HSP90AA1: variants seen among roughly 807,000 people sequenced by gnomAD.
HSP90AA1 encodes the protein heat shock protein HSP 90-alpha.
A neutral mutation model predicts 73.3 loss-of-function variants in HSP90AA1; 18 were observed. The ratio of observed to expected loss-of-function variants is 0.25; its 90% confidence interval spans 0.17 to 0.36. The LOEUF (loss-of-function observed/expected upper bound fraction) is 0.36. Among genes scored for constraint, HSP90AA1 ranks in the 10% least tolerant of loss-of-function variants. The pLI, the probability that HSP90AA1 is intolerant of heterozygous loss-of-function variation, is 1.00. For synonymous variants in HSP90AA1, 477 were observed against 296.9 expected (o/e 1.61, Z -6.24); for missense variants, 704 against 874.2 (o/e 0.81, Z 2.45).
chr14:102,104,366 C>T (rs922423891), intron 1 of HSP90AA1, among the ~76,000 whole-genome samples: 15 of 152,094 alleles, frequency 9.9e-5, no homozygotes, highest in Admixed American at 5.9e-4. Flanking sequence ...TGCGCCACCA[C>T]GCCCGGCTAA....
At chr14:102,138,893 T>A (rs2050122853) in intron 1 of HSP90AA1, among the ~76,000 whole-genome samples, 1 of 152,202 alleles carries the variant, frequency 6.6e-6, no homozygotes, top group Non-Finnish European at 1.5e-5. Flanking sequence ...GTACATTACA[T>A]GCATACAACT....
intron 1 of HSP90AA1, among the ~76,000 whole-genome samples, chr14:102,126,289 AG>A: frequency 6.6e-6 from 1 of 152,368 alleles, no homozygotes; most frequent in East Asian, 1.9e-4. Flanking sequence ...AAGTTACCAT[AG>A]CTCAGTAAGG....
At chr14:102,101,647 T>C (rs567965431) in intron 2 of HSP90AA1, among the ~76,000 whole-genome samples, 16 of 152,342 alleles carry the variant, frequency 1.1e-4, no homozygotes, top group African/African-American at 3.8e-4. Context: ...ATTATGATGA[T>C]TGTCACATGC....
intron 1 of HSP90AA1, among the ~76,000 whole-genome samples, chr14:102,122,357 T>C (rs1194719951): frequency 6.6e-6 from 1 of 150,646 alleles, no homozygotes; most frequent in South Asian, 2.1e-4. Context: ...CTTGGCTCAG[T>C]GCAAGCTCCA....
chr14:102,088,616 T>C (rs1455308999), upstream of HSP90AA1, among the ~76,000 whole-genome samples: 1 of 152,194 alleles, frequency 6.6e-6, no homozygotes, highest in Non-Finnish European at 1.5e-5. Context: ...GTGGTAGCTG[T>C]TGCGCAGCCT....
intron 1 of HSP90AA1, among the ~76,000 whole-genome samples, chr14:102,118,897 C>T (rs2049740509): frequency 6.8e-6 from 1 of 146,534 alleles, no homozygotes; most frequent in African/African-American, 2.5e-5. Context: ...TTCTATCATT[C>T]CGGCTGGAGT....
intron 9 of HSP90AA1, 28 bp from the exon 10 acceptor site, chr14:102,082,472 C>A (rs775587194): frequency 6.4e-6 from 10 of 1,555,890 alleles, no homozygotes; most frequent in Non-Finnish European, 7.9e-6. Flanking sequence ...TGACTAGGAA[C>A]CTAGAAAGAT....
chr14:102,136,027 C>T (rs575480603), intron 1 of HSP90AA1, among the ~76,000 whole-genome samples: 11 of 152,326 alleles, frequency 7.2e-5, no homozygotes, highest in South Asian at 6.2e-4. Flanking sequence ...GGGGAGGCGC[C>T]GAGAGCAAGC....
At chr14:102,092,542 A>C (rs1311943521) in intron 2 of HSP90AA1, among the ~76,000 whole-genome samples, 1 of 152,156 alleles carries the variant, frequency 6.6e-6, no homozygotes, top group Admixed American at 6.6e-5. Context: ...ATTTATATAA[A>C]ATTTTAGAAA....
At chr14:102,134,765 G>A (rs574838614) in intron 1 of HSP90AA1, among the ~76,000 whole-genome samples, 1 of 152,202 alleles carries the variant, frequency 6.6e-6, no homozygotes, top group African/African-American at 2.4e-5. Flanking sequence ...CAAAGAGTGA[G>A]CAGTAGCAAG....
At position 102,081,841 on chromosome 14, in the gene HSP90AA1, C is replaced by G; in HGVS notation, c.2090-20G>C. On this transcript the variant is annotated intron_variant, in intron 10 of 10. Coordinates refer to ENST00000216281, the MANE Select transcript of HSP90AA1 (RefSeq NM_005348.4). ...CAATACCTGTTTCCAAAATAAAATC[C>G]TCATATTACAAAGATTTCTTAAAGC... The G allele has an allele frequency of 8.8e-7, 1 of 1,135,454 alleles. No homozygotes were observed. The allele number at this position is 1,135,454 out of a possible 1,614,324, so 70.3% of individuals were successfully genotyped here.
intron 1 of HSP90AA1, among the ~76,000 whole-genome samples, chr14:102,116,361 G>A (rs1038349440): frequency 2.0e-5 from 3 of 152,138 alleles, no homozygotes; most frequent in African/African-American, 4.8e-5. Context: ...TGATTTCTAG[G>A]AGTCCTTTAT....
upstream of HSP90AA1, among the ~76,000 whole-genome samples, chr14:102,087,724 C>G (rs1477809590): frequency 6.6e-6 from 1 of 152,132 alleles, no homozygotes; most frequent in Non-Finnish European, 1.5e-5. Context: ...ACCGCTGGCT[C>G]GGGAGCGCTC....
At chr14:102,132,370 AAAAT>A (rs1012906252) in intron 1 of HSP90AA1, among the ~76,000 whole-genome samples, 2 of 152,100 alleles carry the variant, frequency 1.3e-5, no homozygotes, top group African/African-American at 2.4e-5. Flanking sequence ...AGTCTCAAAA[AAAAT>A]AAATAAGTAA....
chr14:102,130,859 T>C (rs2049899468), intron 1 of HSP90AA1, among the ~76,000 whole-genome samples: 1 of 151,990 alleles, frequency 6.6e-6, no homozygotes, highest in Non-Finnish European at 1.5e-5. Flanking sequence ...CCTCCTAGGA[T>C]TGCTAGAATA....
intron 1 of HSP90AA1, among the ~76,000 whole-genome samples, chr14:102,125,423 T>G (rs899533255): frequency 6.6e-6 from 1 of 152,222 alleles, no homozygotes; most frequent in South Asian, 2.1e-4. Context: ...TGTGACCATA[T>G]GCAAAAATTA....
intron 2 of HSP90AA1, among the ~76,000 whole-genome samples, chr14:102,097,009 A>T (rs2049433636): frequency 6.6e-6 from 1 of 151,770 alleles, no homozygotes; most frequent in Non-Finnish European, 1.5e-5. Flanking sequence ...TTTTCTTGAG[A>T]CACAGTCTCG....
At chr14:102,084,024 G>T (rs779086433) in intron 6 of HSP90AA1, 41 bp from the exon 7 acceptor site, 3 of 1,430,282 alleles carry the variant, frequency 2.1e-6, no homozygotes, top group South Asian at 1.2e-5. Flanking sequence ...TCATTCCAAG[G>T]ACAAAACTGG....
chr14:102,118,857 T>C (rs2049739992), intron 1 of HSP90AA1, among the ~76,000 whole-genome samples: 1 of 143,742 alleles, frequency 7.0e-6, no homozygotes, highest in African/African-American at 2.6e-5. Context: ...TTCCTTCCTT[T>C]TTTTTTTTTT....
Sources: gnomAD v4.1 joint callset for allele counts (sites outside exome capture counted in the v4.1 genomes callset) on GRCh38, gnomAD v4.1.1 for gene constraint, MANE v1.5 for transcripts, NCBI Gene and HGNC (gene_info 2026-07-23, HGNC 2026-07-21) for gene names.